KALRN: variants seen among roughly 807,000 people sequenced by gnomAD.
KALRN encodes kalirin.
KALRN carries 70 observed loss-of-function variants against 353.7 expected under a neutral mutation model. That is an observed-to-expected ratio of 0.20 (90% CI 0.16 to 0.24). The LOEUF (loss-of-function observed/expected upper bound fraction) is 0.24. Among genes scored for constraint, KALRN ranks in the 10% least tolerant of loss-of-function variants. The probability of loss-of-function intolerance (pLI) is 1.00; values close to 1 mark genes in which losing one functional copy is unlikely to be tolerated. For synonymous variants in KALRN, 1,391 were observed against 1,434.8 expected, an observed-to-expected ratio of 0.97 and a Z score of 0.69; for missense variants, 2,791 against 3,756.7, an observed-to-expected ratio of 0.74 and a Z score of 6.72.
intron 1 of KALRN, among the ~76,000 whole-genome samples, chr3:124,173,830 G>A (rs138626729): frequency 2.0e-5 from 3 of 152,122 alleles, no homozygotes; most frequent in African/African-American, 7.2e-5. Context: ...TGGCCGGGAT[G>A]GTCTCGAGCT....
At chr3:124,701,750 C>T (rs971312610) in intron 56 of KALRN, among the ~76,000 whole-genome samples, 1 of 152,008 alleles carries the variant, frequency 6.6e-6, no homozygotes, top group Non-Finnish European at 1.5e-5. Context: ...TTAAATTTTT[C>T]TCCTAAATTT....
intron 33 of KALRN, among the ~76,000 whole-genome samples, chr3:124,525,702 T>C (rs1255422997): frequency 6.6e-6 from 1 of 152,164 alleles, no homozygotes; most frequent in African/African-American, 2.4e-5. Flanking sequence ...GCAATGAAAA[T>C]AGGAGGCTTT....
chr3:124,717,153 G>A (rs992381322), intron 58 of KALRN, 94 bp from the exon 59 acceptor site: 2 of 1,215,210 alleles, frequency 1.6e-6, no homozygotes, highest in Non-Finnish European at 2.3e-6. Flanking sequence ...ATAAGTATGA[G>A]AGAGTTTAGA....
intron 25 of KALRN, among the ~76,000 whole-genome samples, chr3:124,466,031 G>GT (rs1298917705): frequency 9.6e-6 from 1 of 103,902 alleles, no homozygotes; most frequent in Non-Finnish European, 1.9e-5. Flanking sequence ...TCTCTCTCTT[G>GT]CTCTGTGTGT....
intron 1 of KALRN, among the ~76,000 whole-genome samples, chr3:124,050,570 T>G (rs1332445953): frequency 1.3e-5 from 2 of 152,178 alleles, no homozygotes; most frequent in Non-Finnish European, 2.9e-5. Context: ...CCAAAGCTGT[T>G]CCCTGAACTC....
chr3:124,080,057 G>C (rs537317326), intron 1 of KALRN: 36 of 471,174 alleles, frequency 7.6e-5, no homozygotes, highest in Middle Eastern at 6.5e-4. Context: ...CCTGCTGCCA[G>C]AATTGGATCC....
intron 3 of KALRN, among the ~76,000 whole-genome samples, chr3:124,260,686 C>T (rs977159119): frequency 2.6e-5 from 4 of 151,816 alleles, no homozygotes; most frequent in African/African-American, 9.7e-5. Context: ...GGTGAGTCAT[C>T]TTGGCTCCTG....
At chr3:124,065,343 T>G (rs2042268506) in intron 1 of KALRN, among the ~76,000 whole-genome samples, 1 of 152,072 alleles carries the variant, frequency 6.6e-6, no homozygotes, top group Admixed American at 6.6e-5. Flanking sequence ...ATTTTGGGGA[T>G]GAAGTTAGGG....
intron 33 of KALRN, among the ~76,000 whole-genome samples, chr3:124,558,525 G>A (rs933052828): frequency 2.0e-5 from 3 of 152,142 alleles, no homozygotes; most frequent in East Asian, 1.9e-4. Flanking sequence ...GTGATCCACC[G>A]CCCTCGGCCT....
intron 39 of KALRN, 25 bp downstream of exon 39, chr3:124,655,692 C>T (rs936380469): frequency 4.4e-6 from 7 of 1,585,064 alleles, no homozygotes; most frequent in Admixed American, 1.7e-5. Flanking sequence ...CCAGGTGGGT[C>T]TGTGGTCACC....
intron 19 of KALRN, among the ~76,000 whole-genome samples, 162 bp from the exon 20 acceptor site, chr3:124,445,999 T>C (rs1448148883): frequency 1.3e-5 from 2 of 152,256 alleles, no homozygotes; most frequent in Non-Finnish European, 2.9e-5. Flanking sequence ...AAATCCTTTC[T>C]GTATCCAGCT....
intron 1 of KALRN, among the ~76,000 whole-genome samples, chr3:124,200,718 C>T (rs1199873351): frequency 1.3e-5 from 2 of 152,140 alleles, no homozygotes; most frequent in Admixed American, 1.3e-4. Context: ...ATCTGGGAGC[C>T]TGAGAGGCTT....
At chr3:124,485,557 T>A (rs1439731002) in intron 28 of KALRN, among the ~76,000 whole-genome samples, 1 of 152,142 alleles carries the variant, frequency 6.6e-6, no homozygotes, top group Non-Finnish European at 1.5e-5. Context: ...AATTTGATTG[T>A]GAGGAAGTCA....
intron 10 of KALRN, among the ~76,000 whole-genome samples, chr3:124,371,944 A>G (rs2085899183): frequency 1.3e-5 from 2 of 152,036 alleles, no homozygotes; most frequent in African/African-American, 2.4e-5. Flanking sequence ...CCAACTCCCT[A>G]CTACCCTTCC....
At chr3:124,387,460 A>G (rs995892362) in intron 11 of KALRN, among the ~76,000 whole-genome samples, 2 of 152,220 alleles carry the variant, frequency 1.3e-5, no homozygotes, top group African/African-American at 4.8e-5. Context: ...AAATGGGAAA[A>G]CCAAAGTTCA....
At chr3:124,671,946 C>A in intron 48 of KALRN, 48 bp downstream of exon 48, 8 of 1,369,836 alleles carry the variant, frequency 5.8e-6, no homozygotes, top group Non-Finnish European at 7.3e-6. Context: ...GATGGCATAG[C>A]CTCAGGGGTT....
intron 10 of KALRN, among the ~76,000 whole-genome samples, chr3:124,364,521 A>G (rs185918607): frequency 2.6e-5 from 4 of 152,340 alleles, no homozygotes; most frequent in African/African-American, 9.6e-5. Context: ...AGTGGGAAGA[A>G]CATGTTCCTG....
chr3:124,063,772 C>T (rs1041998773), intron 1 of KALRN, among the ~76,000 whole-genome samples: 6 of 152,142 alleles, frequency 3.9e-5, no homozygotes, highest in Non-Finnish European at 5.9e-5. Context: ...GCTTACATCA[C>T]GGGCACCATC....
At chr3:124,075,232 C>A (rs1214063606) in intron 1 of KALRN, among the ~76,000 whole-genome samples, 3 of 152,194 alleles carry the variant, frequency 2.0e-5, no homozygotes, top group African/African-American at 7.2e-5. Context: ...TTTTGGGCAG[C>A]CTCGCCACAA....
Sources: gnomAD v4.1 joint callset for allele counts (sites outside exome capture counted in the v4.1 genomes callset) on GRCh38, gnomAD v4.1.1 for gene constraint, MANE v1.5 for transcripts, NCBI Gene and HGNC (gene_info 2026-07-23, HGNC 2026-07-21) for gene names.